Variants in ITPR2 observed in about 807,000 individuals in gnomAD.
ITPR2 encodes inositol 1,4,5-trisphosphate-gated calcium channel ITPR2.
ITPR2 carries 207 observed loss-of-function variants against 317.1 expected under a neutral mutation model. That is an observed-to-expected ratio of 0.65 (90% CI 0.58 to 0.73). The LOEUF is 0.73. Ranked by LOEUF, ITPR2 falls within the 30% of genes least tolerant of loss-of-function variation. The probability of loss-of-function intolerance (pLI) is 0.00; values close to 1 mark genes in which losing one functional copy is unlikely to be tolerated. For synonymous variants in ITPR2, 1,156 were observed against 1,149.1 expected (o/e 1.01, Z -0.12); for missense variants, 2,613 against 3,284.0 (o/e 0.80, Z 4.99).
chr12:26,631,730 C>A (rs1946756371), intron 22 of ITPR2, 136 bp downstream of exon 22: 7 of 712,868 alleles, frequency 9.8e-6, no homozygotes, highest in Non-Finnish European at 1.4e-5. Context: ...CCAGGTTTGT[C>A]ATTAACTTAA....
chr12:26,484,218 T>C (rs1386765158), intron 41 of ITPR2, among the ~76,000 whole-genome samples: 8 of 148,650 alleles, frequency 5.4e-5, no homozygotes. Flanking sequence ...TTTCTCAGTG[T>C]CATTATCATC....
chr12:26,710,338 TG>T (rs1948624294), intron 9 of ITPR2, among the ~76,000 whole-genome samples: 2 of 152,256 alleles, frequency 1.3e-5, no homozygotes, highest in African/African-American at 2.4e-5. Flanking sequence ...GAAATATATT[TG>T]ATTATCCCCA....
At chr12:26,362,506 G>A (rs989638511) in intron 55 of ITPR2, among the ~76,000 whole-genome samples, 4 of 152,094 alleles carry the variant, frequency 2.6e-5, no homozygotes, top group Non-Finnish European at 5.9e-5. Flanking sequence ...GCAAGAATAC[G>A]GATAGACTTT....
At chr12:26,509,103 G>A (rs1943262791) in intron 37 of ITPR2, among the ~76,000 whole-genome samples, 1 of 152,204 alleles carries the variant, frequency 6.6e-6, no homozygotes. Context: ...TATGAGCCTT[G>A]AAAACATTAT....
intron 37 of ITPR2, among the ~76,000 whole-genome samples, chr12:26,503,083 A>G (rs1033996512): frequency 2.0e-5 from 3 of 151,916 alleles, no homozygotes; most frequent in Non-Finnish European, 4.4e-5. Flanking sequence ...TGACCTCCTG[A>G]CCCACAAACA....
At chr12:26,553,255 C>T (rs2137010065) in intron 36 of ITPR2, among the ~76,000 whole-genome samples, 1 of 152,322 alleles carries the variant, frequency 6.6e-6, no homozygotes, top group African/African-American at 2.4e-5. Flanking sequence ...TTTGAATGGA[C>T]TCTAATCAGC....
intron 1 of ITPR2, among the ~76,000 whole-genome samples, chr12:26,816,335 G>T (rs962346317): frequency 1.3e-5 from 2 of 152,076 alleles, no homozygotes; most frequent in Non-Finnish European, 2.9e-5. Flanking sequence ...TGCCATTAAC[G>T]TCATGGTGAT....
intron 54 of ITPR2, among the ~76,000 whole-genome samples, chr12:26,395,930 C>T (rs1485509050): frequency 6.6e-6 from 1 of 152,130 alleles, no homozygotes. Flanking sequence ...ATACATCATA[C>T]ATAGTATTCA....
intron 36 of ITPR2, among the ~76,000 whole-genome samples, chr12:26,551,932 A>T (rs1423883033): frequency 2.0e-5 from 3 of 152,204 alleles, no homozygotes; most frequent in Non-Finnish European, 4.4e-5. Context: ...GAAAATAGGG[A>T]ACCACTGTTC....
At chr12:26,397,927 A>G (rs1940048925) in intron 54 of ITPR2, among the ~76,000 whole-genome samples, 1 of 152,020 alleles carries the variant, frequency 6.6e-6, no homozygotes, top group African/African-American at 2.4e-5. Context: ...CTACAAAGAC[A>G]ACTGAAGCCA....
In ITPR2 at chr12:26,439,220, T is replaced by C; in HGVS notation, c.6550A>G (p.Thr2184Ala). 1 of 1,612,574 alleles carries C rather than the reference T, an allele frequency of 6.2e-7. No individual in the cohort carries two copies. The highest frequency in any genetic ancestry group is 1.1e-5 in the South Asian group (1 of 90,952). Residue 2184 changes from threonine (T) to alanine (A), a missense_variant, in exon 47 of 57, where the codon ACT becomes GCT. This residue lies in a region of ITPR2 where 926 missense variants were observed against 1,072.8 expected (regional missense o/e 0.86). Coordinates refer to ENST00000381340, the MANE Select transcript of ITPR2 (RefSeq NM_002223.4). Reference protein sequence around the residue: ...RESKCRVFNTTERDEQGSKVN... With the variant: ...RESKCRVFNTAERDEQGSKVN... ...TTACTTCCTTGTTCATCCCTTTCAG[T>C]TGTATTGAACACACGGCACTTGGAT...
chr12:26,783,856 C>T (rs1441265479), intron 2 of ITPR2, among the ~76,000 whole-genome samples: 3 of 152,088 alleles, frequency 2.0e-5, no homozygotes, highest in Non-Finnish European at 2.9e-5. Context: ...CTAGCTAGTA[C>T]TCTTCAAAAG....
intron 9 of ITPR2, among the ~76,000 whole-genome samples, chr12:26,708,400 G>T (rs1592058422): frequency 6.6e-6 from 1 of 152,098 alleles, no homozygotes; most frequent in Non-Finnish European, 1.5e-5. Context: ...TGTTCACAGT[G>T]GAATATTATT....
At chr12:26,667,637 C>T (rs555888757) in intron 13 of ITPR2, among the ~76,000 whole-genome samples, 4 of 152,050 alleles carry the variant, frequency 2.6e-5, no homozygotes, top group Admixed American at 2.0e-4. Context: ...AAATTTGGAG[C>T]GGAGGTTACT....
At chr12:26,395,565 T>TC (rs879889618) in intron 54 of ITPR2, among the ~76,000 whole-genome samples, 12 of 151,366 alleles carry the variant, frequency 7.9e-5, no homozygotes, top group Non-Finnish European at 1.2e-4. Context: ...AGAGGTAGTG[T>TC]ACCAACATGA....
intron 34 of ITPR2, among the ~76,000 whole-genome samples, chr12:26,567,672 T>C (rs1945012764): frequency 6.6e-6 from 1 of 151,904 alleles, no homozygotes; most frequent in African/African-American, 2.4e-5. Context: ...CAAGTATTTC[T>C]AAAGATATGG....
intron 15 of ITPR2, 101 bp downstream of exon 15, chr12:26,663,584 G>T: frequency 8.8e-7 from 1 of 1,133,814 alleles, no homozygotes. Context: ...ATTTCAAAGT[G>T]AAATTTCCCA....
At chr12:26,397,156 G>T (rs1160052776) in intron 54 of ITPR2, among the ~76,000 whole-genome samples, 1 of 151,892 alleles carries the variant, frequency 6.6e-6, no homozygotes, top group Non-Finnish European at 1.5e-5. Flanking sequence ...ATCTTCCACT[G>T]TAAGTCCAGA....
At chr12:26,655,388 G>A (rs1168959207) in intron 20 of ITPR2, among the ~76,000 whole-genome samples, 2 of 152,148 alleles carry the variant, frequency 1.3e-5, no homozygotes, top group African/African-American at 4.8e-5. Context: ...GCCGGGGCAG[G>A]TGGATCACGA....
Sources: allele counts gnomAD v4.1 joint callset (sites outside exome capture counted in the v4.1 genomes callset), GRCh38; gene constraint gnomAD v4.1.1; regional missense constraint gnomAD v4.1.1; transcripts MANE v1.5; gene names NCBI Gene and HGNC (gene_info 2026-07-23, HGNC 2026-07-21).